The following SEMA4D variants were observed in gnomAD, a reference collection of about 807,000 sequenced individuals.
The protein encoded by SEMA4D is semaphorin-4D.
In SEMA4D, 22 loss-of-function variants were observed where a neutral mutation model predicts 74.8. That is an observed-to-expected ratio of 0.29 (90% CI 0.21 to 0.42). SEMA4D has a LOEUF of 0.42. SEMA4D is among the 10% of genes least tolerant of loss of function. SEMA4D has a pLI of 1.00. For missense variants in SEMA4D, 937 were observed against 1,118.4 expected (o/e 0.84, Z 2.31); for synonymous variants, 445 against 463.7 (o/e 0.96, Z 0.52).
chr9:89,391,449 C>T, intron 8 of SEMA4D, 34 bp from the exon 9 acceptor site: 4 of 1,610,868 alleles, frequency 2.5e-6, no homozygotes, highest in Non-Finnish European at 3.4e-6. Context: ...TCCCAGAACA[C>T]AGAGCTGGGG....
chr9:89,391,419 CAG>C lies in SEMA4D; in HGVS notation c.623-6_623-5del, dbSNP rs761302808. The C allele has an allele frequency of 3.1e-6, 5 of 1,614,150 alleles. No homozygotes were observed. Among genetic ancestry groups the C allele is most frequent in the African/African-American group, 2.7e-5 (2 of 75,064 alleles). ...TCAGCAAACACGAAACTAGGCTCTG[CAG>C]AGAGAGGACAGTGATTATCCCAGAA... is the stretch of plus-strand genomic sequence containing the variant. On this transcript the variant is annotated splice_polypyrimidine_tract_variant and splice_region_variant and intron_variant, in intron 8 of 15. Coordinates refer to ENST00000422704, the MANE Select transcript of SEMA4D (RefSeq NM_001371194.2).
chr9:89,434,483 G>A (rs897340966), intron 2 of SEMA4D, among the ~76,000 whole-genome samples: 1 of 152,174 alleles, frequency 6.6e-6, no homozygotes, highest in Middle Eastern at 3.4e-3. Context: ...ACTGTCTTTC[G>A]TCAGTTTAAT....
intron 13 of SEMA4D, chr9:89,385,231 C>T: frequency 1.0e-6 from 1 of 981,480 alleles, no homozygotes; most frequent in Non-Finnish European, 1.2e-6. Flanking sequence ...CCTCCACCAG[C>T]CTGGGTCCCT....
chr9:89,423,625 T>G (rs1564727348), intron 2 of SEMA4D, among the ~76,000 whole-genome samples: 2 of 152,054 alleles, frequency 1.3e-5, no homozygotes, highest in Non-Finnish European at 2.9e-5. Flanking sequence ...TGGTTCAGAT[T>G]CCCATGCTGC....
intron 2 of SEMA4D, chr9:89,450,686 A>AAAAAAAAAAAAAAAAAAAAAC: frequency 3.2e-6 from 3 of 945,100 alleles, no homozygotes; most frequent in East Asian, 2.6e-5. Flanking sequence ...AAAAAAAAAA[A>AAAAAAAAAAAAAAAAAAAAAC]AGGCCTCCAA....
rs189354338 is a variant in SEMA4D, at chr9:89,405,068, C to A, written c.106+283G>T. Among the ~76,000 whole-genome samples, 14 of 148,330 alleles carry A rather than the reference C, an allele frequency of 9.4e-5. No homozygotes were observed. The East Asian group carries it at 2.9e-3, about 31-fold the overall frequency. The stretch of plus-strand genomic sequence containing the variant: ...CCTCAGCATCCCAGGAAGTGGAGTC[C>A]CCATCCTGTCCCCAGCCACCCGCCT... On this transcript the variant is annotated intron_variant, in intron 3 of 15. Coordinates refer to ENST00000422704, the MANE Select transcript of SEMA4D (RefSeq NM_001371194.2).
chr9:89,471,777 T>C (rs77309373), intron 1 of SEMA4D, among the ~76,000 whole-genome samples: 58 of 69,218 alleles, frequency 8.4e-4, no homozygotes, highest in Admixed American at 1.2e-3. Context: ...TGCATATAGG[T>C]TGAGGTGCAA....
intron 16 of SEMA4D, chr9:89,369,530 C>G (rs903790970): frequency 3.9e-5 from 6 of 152,266 alleles, no homozygotes; most frequent in South Asian, 2.1e-4. Flanking sequence ...CGATCTGTTT[C>G]TGTGTGTGCA....
At chr9:89,479,381 G>A (rs17054928) in intron 1 of SEMA4D, among the ~76,000 whole-genome samples, 28,691 of 152,094 alleles carry the variant, frequency 0.19, 2,927 homozygotes, top group East Asian at 0.32. Context: ...AGCTGTTTCC[G>A]ATTTGCTCTG....
At chr9:89,430,024 C>T (rs1236037782) in intron 2 of SEMA4D, among the ~76,000 whole-genome samples, 1 of 151,772 alleles carries the variant, frequency 6.6e-6, no homozygotes, top group African/African-American at 2.4e-5. Context: ...GCTGCTTAAC[C>T]CTGACGGGCA....
In SEMA4D at chr9:89,484,988, T is replaced by TTGTG. The variant is rs111818272; in HGVS notation, c.-310+12927_-310+12930dup. 0.03 allele frequency among the ~76,000 whole-genome samples: 4,455 copies of TTGTG among 149,800 alleles called. 93 individuals are homozygous for TTGTG. The highest frequency in any genetic ancestry group is 0.11 in the South Asian group (529 of 4,714). On this transcript the variant is annotated intron_variant, in intron 1 of 15. Coordinates refer to ENST00000422704, the MANE Select transcript of SEMA4D (RefSeq NM_001371194.2). The surrounding 1 kb of genome is among the most constrained non-coding windows in gnomAD (Gnocchi z 4.1). ...GGTGGAGGCATATGTGTGTAGTATG[T>TTGTG]TGTGTGTGTGTGTGTGTGTGTGTTC...
At chr9:89,473,759 G>A (rs1189198425) in intron 1 of SEMA4D, among the ~76,000 whole-genome samples, 2 of 151,298 alleles carry the variant, frequency 1.3e-5, no homozygotes, top group Non-Finnish European at 2.9e-5. Context: ...GGAGGCTGAG[G>A]CAGGAGAATC....
chr9:89,363,871 C>T (rs762539264), exon 17 of SEMA4D: 5 of 1,614,022 alleles, frequency 3.1e-6, no homozygotes, highest in African/African-American at 2.7e-5. Flanking sequence ...TGCCATCGGG[C>T]AGTGCATGGG....
chr9:89,416,018 C>T (rs1369678941), intron 2 of SEMA4D, among the ~76,000 whole-genome samples: 1 of 152,120 alleles, frequency 6.6e-6, no homozygotes, highest in Non-Finnish European at 1.5e-5. Flanking sequence ...CTTAATTTTC[C>T]ACCTCTTATA....
In SEMA4D at chr9:89,484,623, TG is replaced by T. The variant is rs1457425333; in HGVS notation, c.-310+13295del. On this transcript the variant is annotated intron_variant, in intron 1 of 15. Coordinates refer to ENST00000422704, the MANE Select transcript of SEMA4D (RefSeq NM_001371194.2). The surrounding 1 kb of genome is among the most constrained non-coding windows in gnomAD (Gnocchi z 4.1). ...GGGTGTTCCGTGGTGTGATGTGCGG[TG>T]TATGTATGCAGTATATATGTAGTGT... is the stretch of plus-strand genomic sequence containing the variant. Among the ~76,000 whole-genome samples the T allele has an allele frequency of 6.7e-6, 1 of 150,244 alleles. No homozygotes were observed. Among genetic ancestry groups the T allele is most frequent in the Non-Finnish European group, 1.5e-5 (1 of 67,544 alleles).
In SEMA4D at chr9:89,490,944, G is replaced by A. The variant is rs530431214; in HGVS notation, c.-310+6975C>T. 2.1e-4 allele frequency among the ~76,000 whole-genome samples: 32 copies of A among 152,282 alleles called. No homozygotes were observed. In the East Asian group the frequency reaches 3.3e-3, roughly 16 times the overall value. ...GCATAAAAGCAGCCACAGATGATTC[G>A]AAATAAATTGGCCCAGCACACTTGA... On this transcript the variant is annotated intron_variant, in intron 1 of 15. Coordinates refer to ENST00000422704, the MANE Select transcript of SEMA4D (RefSeq NM_001371194.2).
intron 2 of SEMA4D, among the ~76,000 whole-genome samples, chr9:89,419,822 C>G (rs1846516792): frequency 6.6e-6 from 1 of 151,984 alleles, no homozygotes; most frequent in Non-Finnish European, 1.5e-5. Flanking sequence ...GAGGCTGAGG[C>G]AGGAGAATCG....
intron 1 of SEMA4D, among the ~76,000 whole-genome samples, chr9:89,487,721 G>A (rs117776333): frequency 4.6e-5 from 7 of 152,116 alleles, no homozygotes; most frequent in East Asian, 1.9e-4. Flanking sequence ...TCTATATATC[G>A]CAATTAACAA....
rs903148826 is a variant in SEMA4D, at chr9:89,381,314, C to T, written c.1479G>A (p.Ser493=). Residue 493 remains serine (S), a synonymous_variant, in exon 14 of 16, where the codon TCG becomes TCA. Transcript: ENST00000422704. The surrounding 1 kb of genome is among the most constrained non-coding windows in gnomAD (Gnocchi z 4.6). ...AGGCCAGCGGGGCCTGGACCACGCC[C>T]GAGTTAGAGCCAGCATAGACAAACC... ...GNRFVYAGSN[S]GVVQAPLAFC... is the part of the protein sequence containing the mutation. 6.6e-6 allele frequency: 10 copies of T among 1,523,972 alleles called. No homozygotes were observed. Among genetic ancestry groups the T allele is most frequent in the African/African-American group, 5.5e-5 (4 of 72,338 alleles). 94.4% of individuals were successfully genotyped at this position (1,523,972 alleles called of 1,614,324 possible). A position where few individuals can be genotyped will look rare whatever the true frequency, so the allele number is the denominator to read the frequency against.
Sources: gnomAD v4.1 joint callset for allele counts (sites outside exome capture counted in the v4.1 genomes callset) on GRCh38, gnomAD v4.1.1 for gene constraint, Gnocchi (gnomAD v3.1) non-coding constraint, MANE v1.5 for transcripts, NCBI Gene and HGNC (gene_info 2026-07-23, HGNC 2026-07-21) for gene names.